Variants in LARGE1 observed in about 807,000 individuals in gnomAD.
The protein encoded by LARGE1 is xylosyl- and glucuronyltransferase LARGE1.
In LARGE1, 43 loss-of-function variants were observed where a neutral mutation model predicts 87.6. The ratio of observed to expected loss-of-function variants is 0.49; its 90% CI spans 0.38 to 0.63. The LOEUF (loss-of-function observed/expected upper bound fraction) is 0.63. Among genes scored for constraint, LARGE1 ranks in the 30% least tolerant of loss-of-function variants. The pLI, the probability that LARGE1 is intolerant of heterozygous loss-of-function variation, is 0.00. For missense variants in LARGE1, 802 were observed against 1,000.2 expected (o/e 0.80, Z 2.67); for synonymous variants, 434 against 394.6 (o/e 1.10, Z -1.18).
intron 2 of LARGE1, among the ~76,000 whole-genome samples, chr22:33,671,338 G>A (rs1370747601): frequency 6.6e-6 from 1 of 152,216 alleles, no homozygotes; most frequent in East Asian, 1.9e-4. Flanking sequence ...GCCATCATGA[G>A]ATGTCTAGAG....
chr22:33,503,242 CT>C (rs60105421), intron 6 of LARGE1, among the ~76,000 whole-genome samples: 1,635 of 142,810 alleles, frequency 0.011, 23 homozygotes, highest in African/African-American at 0.034. Context: ...AGGAGTTCCC[CT>C]TTTTTTTTTT....
chr22:33,578,003 T>C (rs958411206), intron 5 of LARGE1, among the ~76,000 whole-genome samples: 1 of 152,192 alleles, frequency 6.6e-6, no homozygotes, highest in East Asian at 1.9e-4. Context: ...TTGTAATACA[T>C]CTAACAAACA....
chr22:33,088,489 T>C, the LARGE1 span, among the ~76,000 whole-genome samples: 31 of 152,318 alleles, frequency 2.0e-4, no homozygotes, highest in African/African-American at 5.8e-4. Flanking sequence ...TCTGTGCCAG[T>C]AGGAAATCTG....
chr22:33,776,620 G>A (rs181071833), intron 1 of LARGE1, among the ~76,000 whole-genome samples: 2 of 152,216 alleles, frequency 1.3e-5, no homozygotes, highest in Admixed American at 6.5e-5. Context: ...TTCTGGAAAC[G>A]GACGACGTAA....
intron 4 of LARGE1, among the ~76,000 whole-genome samples, chr22:33,612,872 G>A (rs1468928683): frequency 6.6e-6 from 1 of 152,158 alleles, no homozygotes; most frequent in Non-Finnish European, 1.5e-5. Context: ...GGTAAGAGGA[G>A]CAAGCCCTTA....
At chr22:33,668,086 C>G (rs1569356448) in intron 2 of LARGE1, among the ~76,000 whole-genome samples, 2 of 152,192 alleles carry the variant, frequency 1.3e-5, no homozygotes, top group African/African-American at 4.8e-5. Flanking sequence ...AAATACACAA[C>G]TTATTATTTT....
At chr22:33,850,040 C>G (rs1005342828) in intron 1 of LARGE1, among the ~76,000 whole-genome samples, 2 of 152,124 alleles carry the variant, frequency 1.3e-5, no homozygotes, top group African/African-American at 2.4e-5. Context: ...GTGCAATGAT[C>G]TGGTTCTGTA....
At chr22:33,690,631 G>A (rs1289105534) in intron 2 of LARGE1, among the ~76,000 whole-genome samples, 2 of 150,542 alleles carry the variant, frequency 1.3e-5, no homozygotes, top group African/African-American at 4.9e-5. Flanking sequence ...TGTAGGGTGA[G>A]GGCAGACAGA....
intron 10 of LARGE1, among the ~76,000 whole-genome samples, chr22:33,334,567 C>T (rs1035987231): frequency 4.6e-5 from 7 of 152,058 alleles, no homozygotes; most frequent in African/African-American, 7.2e-5. Context: ...AGGGTGTTCC[C>T]GCCAGTGGGA....
intron 6 of LARGE1, among the ~76,000 whole-genome samples, chr22:33,532,410 G>A (rs1000755114): frequency 6.6e-6 from 1 of 152,222 alleles, no homozygotes; most frequent in African/African-American, 2.4e-5. Flanking sequence ...ATCTCTAGAT[G>A]TGCAAGCCCT....
chr22:33,218,889 C>T (rs112512125), intron 11 of LARGE1, among the ~76,000 whole-genome samples: 169 of 152,292 alleles, frequency 1.1e-3, no homozygotes, highest in African/African-American at 3.9e-3. Flanking sequence ...GGCATCCAGG[C>T]AGGACCTGTG....
intron 6 of LARGE1, among the ~76,000 whole-genome samples, chr22:33,558,304 A>C (rs2077754648): frequency 6.6e-6 from 1 of 152,136 alleles, no homozygotes; most frequent in Admixed American, 6.6e-5. Flanking sequence ...GGGGACACTG[A>C]GCTTCATTTG....
At chr22:33,091,508 TGAG>T in the LARGE1 span, among the ~76,000 whole-genome samples, 3 of 151,998 alleles carry the variant, frequency 2.0e-5, no homozygotes, top group Admixed American at 2.0e-4. Context: ...TGCAGTGAGC[TGAG>T]ATCGCGCCAC....
chr22:33,879,022 G>C (rs2064576759), intron 1 of LARGE1, among the ~76,000 whole-genome samples: 1 of 151,446 alleles, frequency 6.6e-6, no homozygotes, highest in South Asian at 2.1e-4. Context: ...GCCCAGGCTG[G>C]AATGCAATGG....
rs573954145 is a variant in LARGE1 at position 33,498,293 on chromosome 22, T to C, written c.788-66028A>G. Reference sequence around the variant, plus strand: ...GTTCAGATTTAACTTTTTTTGCAAATTGCAAGATTTCCTTTAGCCTCAAAT... The same window carrying C: ...GTTCAGATTTAACTTTTTTTGCAAACTGCAAGATTTCCTTTAGCCTCAAAT... On this transcript the variant is annotated intron_variant, in intron 6 of 14. Transcript: ENST00000397394. Among the ~76,000 whole-genome samples, 3 of 152,198 alleles carry C rather than the reference T, an allele frequency of 2.0e-5. No homozygotes were observed. The South Asian group carries it at 6.2e-4, about 32-fold the overall frequency.
At chr22:33,756,568 GAAGA>G (rs761009578) in intron 2 of LARGE1, among the ~76,000 whole-genome samples, 152 of 152,280 alleles carry the variant, frequency 1.0e-3, no homozygotes, top group Non-Finnish European at 6.2e-4. Context: ...GTGTCAGGGA[GAAGA>G]AAGAACAGGT....
At chr22:33,776,491 C>G (rs1333571526) in intron 1 of LARGE1, among the ~76,000 whole-genome samples, 1 of 152,214 alleles carries the variant, frequency 6.6e-6, no homozygotes, top group African/African-American at 2.4e-5. Context: ...ACTACAGCTT[C>G]AAGAAGGCTG....
At chr22:33,253,547 A>G (rs548940483) in intron 11 of LARGE1, among the ~76,000 whole-genome samples, 1 of 152,316 alleles carries the variant, frequency 6.6e-6, no homozygotes, top group South Asian at 2.1e-4. Context: ...CCCTGTCTCT[A>G]CTAAAAATAC....
chr22:33,833,733 G>A lies in LARGE1; in HGVS notation c.-82-72175C>T, dbSNP rs1007267939. 7.2e-5 allele frequency among the ~76,000 whole-genome samples: 11 copies of A among 152,170 alleles called. 1 individual carries two copies. The South Asian group carries it at 2.1e-3, about 29-fold the overall frequency. ...ATGGAGCTTCACTCTTGTTGCCCAG[G>A]CTGGAGTGCAATGGCGTGATCTCAG... On this transcript the variant is annotated intron_variant, in intron 1 of 14. Coordinates refer to ENST00000397394, the MANE Select transcript of LARGE1 (RefSeq NM_133642.5).
Sources: gnomAD v4.1 joint callset for allele counts (sites outside exome capture counted in the v4.1 genomes callset) on GRCh38, gnomAD v4.1.1 for gene constraint, MANE v1.5 for transcripts, NCBI Gene and HGNC (gene_info 2026-07-23, HGNC 2026-07-21) for gene names.